The following PLA2G4A variants were observed in gnomAD, a reference collection of about 807,000 sequenced individuals.
PLA2G4A encodes the protein cytosolic phospholipase A2.
Under a neutral mutation model 81.9 loss-of-function variants are expected in PLA2G4A, and 40 were observed. The observed-to-expected ratio is 0.49, with a 90% CI of 0.38 to 0.64. The LOEUF is 0.64. Among genes scored for constraint, PLA2G4A ranks in the 30% least tolerant of loss-of-function variants. The pLI is 0.00. For missense variants in PLA2G4A, 715 were observed against 905.1 expected (o/e 0.79, Z 2.69); for synonymous variants, 302 against 296.9 (o/e 1.02, Z -0.18).
At chr1:186,870,614 A>C (rs190911741) in intron 3 of PLA2G4A, 98 bp downstream of exon 3, 2 of 1,167,966 alleles carry the variant, frequency 1.7e-6, no homozygotes, top group Middle Eastern at 1.9e-4. Flanking sequence ...GCCTTCTTCA[A>C]ATGTGGTTAT....
chr1:186,964,485 G>A (rs1050232624), intron 14 of PLA2G4A, among the ~76,000 whole-genome samples: 22 of 152,006 alleles, frequency 1.4e-4, no homozygotes, highest in African/African-American at 5.3e-4. Context: ...AACACACCCA[G>A]CCTGATTCTG....
intron 3 of PLA2G4A, among the ~76,000 whole-genome samples, chr1:186,873,011 T>A (rs1402090004): frequency 6.6e-6 from 1 of 152,104 alleles, no homozygotes; most frequent in Non-Finnish European, 1.5e-5. Context: ...TTTGAATTGT[T>A]ACTTTTGTGT....
chr1:186,963,260 T>C (rs1657022145), intron 14 of PLA2G4A, among the ~76,000 whole-genome samples: 1 of 152,216 alleles, frequency 6.6e-6, no homozygotes, highest in Non-Finnish European at 1.5e-5. Flanking sequence ...ACATATGTAA[T>C]TGTTAAACTA....
intron 2 of PLA2G4A, among the ~76,000 whole-genome samples, chr1:186,862,005 ATAT>A (rs1436015997): frequency 1.3e-5 from 2 of 149,600 alleles, no homozygotes; most frequent in South Asian, 2.1e-4. Flanking sequence ...CCAATGTAAT[ATAT>A]TATTATTAAC....
At chr1:186,978,583 A>T (rs1419954130) in intron 16 of PLA2G4A, among the ~76,000 whole-genome samples, 1 of 152,190 alleles carries the variant, frequency 6.6e-6, no homozygotes, top group African/African-American at 2.4e-5. Context: ...GAAATCTGAC[A>T]TTTTTAGTTA....
intron 10 of PLA2G4A, among the ~76,000 whole-genome samples, chr1:186,945,898 A>G (rs1358491994): frequency 2.0e-5 from 3 of 152,090 alleles, no homozygotes; most frequent in Non-Finnish European, 4.4e-5. Context: ...AGCTCCTTAC[A>G]TTTCTTAACT....
chr1:186,958,166 G>C (rs940712332), intron 14 of PLA2G4A, among the ~76,000 whole-genome samples: 1 of 152,024 alleles, frequency 6.6e-6, no homozygotes, highest in Admixed American at 6.6e-5. Context: ...TTTGTGTTAT[G>C]TTTATGGCAT....
At chr1:186,848,534 T>G (rs1652266013) in intron 1 of PLA2G4A, among the ~76,000 whole-genome samples, 1 of 152,140 alleles carries the variant, frequency 6.6e-6, no homozygotes, top group Non-Finnish European at 1.5e-5. Flanking sequence ...CTCTTTTCCT[T>G]TTTCTTTTCT....
intron 10 of PLA2G4A, among the ~76,000 whole-genome samples, chr1:186,941,093 A>G (rs1214816090): frequency 6.8e-6 from 1 of 147,260 alleles, no homozygotes; most frequent in African/African-American, 2.6e-5. Context: ...AGCCGGGGCC[A>G]TAGAGCGAGA....
At chr1:186,981,759 G>T (rs1657725904) in intron 17 of PLA2G4A, among the ~76,000 whole-genome samples, 1 of 151,924 alleles carries the variant, frequency 6.6e-6, no homozygotes, top group Admixed American at 6.6e-5. Context: ...AATACCATCA[G>T]GTTTTTATAA....
chr1:186,926,904 C>T (rs1655569748), intron 7 of PLA2G4A, among the ~76,000 whole-genome samples: 1 of 152,168 alleles, frequency 6.6e-6, no homozygotes, highest in African/African-American at 2.4e-5. Context: ...TGTGGCATAA[C>T]ACTCGTGGTC....
At chr1:186,929,803 T>C (rs780184762) in intron 7 of PLA2G4A, among the ~76,000 whole-genome samples, 3 of 152,200 alleles carry the variant, frequency 2.0e-5, no homozygotes, top group Non-Finnish European at 4.4e-5. Context: ...AGCCCATGCT[T>C]ATAATCCCAG....
intron 14 of PLA2G4A, among the ~76,000 whole-genome samples, chr1:186,957,173 A>T (rs1036201811): frequency 6.6e-6 from 1 of 152,182 alleles, no homozygotes; most frequent in African/African-American, 2.4e-5. Flanking sequence ...AAATAAAAAA[A>T]ATATTGAGGG....
At chr1:186,957,186 A>T (rs1374575497) in intron 14 of PLA2G4A, among the ~76,000 whole-genome samples, 3 of 152,038 alleles carry the variant, frequency 2.0e-5, no homozygotes, top group Non-Finnish European at 2.9e-5. Flanking sequence ...ATTGAGGGAG[A>T]TGTTAGATCT....
intron 17 of PLA2G4A, among the ~76,000 whole-genome samples, chr1:186,987,505 G>A (rs895080139): frequency 1.3e-5 from 2 of 152,234 alleles, no homozygotes; most frequent in African/African-American, 4.8e-5. Flanking sequence ...TGGTCATCGA[G>A]ATGAAATGAG....
intron 3 of PLA2G4A, 49 bp downstream of exon 3, chr1:186,870,565 C>T: frequency 7.5e-7 from 1 of 1,324,658 alleles, no homozygotes; most frequent in Non-Finnish European, 1.1e-6. Flanking sequence ...TATGGTTCAG[C>T]CTTTAATTGC....
chr1:186,979,714 T>C (rs909104438), intron 17 of PLA2G4A, among the ~76,000 whole-genome samples: 7 of 152,148 alleles, frequency 4.6e-5, no homozygotes, highest in Non-Finnish European at 7.4e-5. Flanking sequence ...CTCAGTTTCT[T>C]TCCCGAAGTA....
intron 3 of PLA2G4A, among the ~76,000 whole-genome samples, chr1:186,884,814 G>A (rs1158313127): frequency 1.3e-5 from 2 of 151,844 alleles, no homozygotes; most frequent in African/African-American, 4.8e-5. Flanking sequence ...AAACCAGGAG[G>A]TTGAGGCTAC....
At chr1:186,879,113 C>G (rs1471698373) in intron 3 of PLA2G4A, among the ~76,000 whole-genome samples, 1 of 151,874 alleles carries the variant, frequency 6.6e-6, no homozygotes, top group African/African-American at 2.4e-5. Flanking sequence ...CTGAGGGTCT[C>G]TGTAAATTTT....
Sources: gnomAD v4.1 joint callset for allele counts (sites outside exome capture counted in the v4.1 genomes callset) on GRCh38, gnomAD v4.1.1 for gene constraint, MANE v1.5 for transcripts, NCBI Gene and HGNC (gene_info 2026-07-23, HGNC 2026-07-21) for gene names.